MEI4: variants seen among roughly 807,000 people sequenced by gnomAD.
MEI4 encodes meiosis-specific protein MEI4.
Under a neutral mutation model 31.4 loss-of-function variants are expected in MEI4, and 27 were observed. The ratio of observed to expected loss-of-function variants is 0.86; its 90% CI spans 0.63 to 1.19. The LOEUF is 1.19. Among genes scored for constraint, MEI4 ranks in the 50% most tolerant of loss-of-function variants. MEI4 has a pLI of 0.00. For synonymous variants in MEI4, 122 were observed against 145.4 expected, an observed-to-expected ratio of 0.84 and a Z score of 1.16; for missense variants, 329 against 398.9, an observed-to-expected ratio of 0.82 and a Z score of 1.49.
At chr6:77,745,518 A>G (rs1767570935) in intron 2 of MEI4, among the ~76,000 whole-genome samples, 1 of 152,202 alleles carries the variant, frequency 6.6e-6, no homozygotes, top group Non-Finnish European at 1.5e-5. Context: ...CACATTAATA[A>G]TGGGAGACTT....
chr6:77,863,247 G>A (rs756341187), intron 4 of MEI4, among the ~76,000 whole-genome samples: 32 of 152,310 alleles, frequency 2.1e-4, no homozygotes, highest in Admixed American at 7.2e-4. Flanking sequence ...TGACTTTGAT[G>A]AGTTTAGAGA....
intron 2 of MEI4, among the ~76,000 whole-genome samples, chr6:77,743,283 C>G (rs1767471950): frequency 6.6e-6 from 1 of 152,018 alleles, no homozygotes; most frequent in African/African-American, 2.4e-5. Flanking sequence ...TGTTTGTATC[C>G]TCTTTTATTT....
At chr6:77,875,299 A>G (rs916244587) in intron 4 of MEI4, among the ~76,000 whole-genome samples, 1 of 152,208 alleles carries the variant, frequency 6.6e-6, no homozygotes. Context: ...ATTCCTACAA[A>G]GCACATACTA....
intron 3 of MEI4, among the ~76,000 whole-genome samples, chr6:77,773,842 T>G (rs1458174300): frequency 6.6e-6 from 1 of 151,990 alleles, no homozygotes; most frequent in African/African-American, 2.4e-5. Flanking sequence ...TAATCTGATT[T>G]TTAAATGGGC....
intron 4 of MEI4, among the ~76,000 whole-genome samples, chr6:77,866,514 T>C (rs542656766): frequency 6.6e-6 from 1 of 152,242 alleles, no homozygotes; most frequent in South Asian, 2.1e-4. Context: ...GAATCCAACT[T>C]ATAAGGGATG....
At chr6:77,827,132 G>A (rs940374580) in intron 3 of MEI4, among the ~76,000 whole-genome samples, 10 of 151,876 alleles carry the variant, frequency 6.6e-5, no homozygotes, top group Non-Finnish European at 1.0e-4. Context: ...AGGCCAAGGC[G>A]GGCAGATCAC....
At chr6:77,738,935 G>A (rs931257624) in intron 2 of MEI4, among the ~76,000 whole-genome samples, 1 of 152,086 alleles carries the variant, frequency 6.6e-6, no homozygotes, top group African/African-American at 2.4e-5. Context: ...TTTTGATGGG[G>A]TTGTTTTTTT....
At position 77,751,361 on chromosome 6, in the gene MEI4, A is replaced by G. The variant is rs188372113; in HGVS notation, c.233-9769A>G. Among the ~76,000 whole-genome samples the G allele has an allele frequency of 1.2e-4, 18 of 152,316 alleles. No individual in the cohort carries two copies. In the East Asian group the frequency reaches 3.5e-3, roughly 29 times the overall value. On this transcript the variant is annotated intron_variant, in intron 2 of 4. Transcript: ENST00000684080. Reference sequence around the variant, plus strand: ...TGGTTTGAAAAGATCAAGAAAACAAATAGACCACTAGCCAGACTAATAAAG... The same window carrying G: ...TGGTTTGAAAAGATCAAGAAAACAAGTAGACCACTAGCCAGACTAATAAAG...
In MEI4 at chr6:77,797,795, G is replaced by A. The variant is rs143575377; in HGVS notation, c.769-31136G>A. On this transcript the variant is annotated intron_variant, in intron 3 of 4. Coordinates refer to ENST00000684080, the MANE Select transcript of MEI4 (RefSeq NM_001322247.2). ...AGCTGACTGGATGGTGCCCACCCAC[G>A]TTGAGGGTGGGTCTTCATCTGCCAG... 9.5e-3 allele frequency among the ~76,000 whole-genome samples: 1,450 copies of A among 152,160 alleles called. 18 individuals carry two copies. Among genetic ancestry groups the A allele is most frequent in the African/African-American group, 0.032 (1,345 of 41,526 alleles).
At chr6:77,811,817 T>C (rs1189673154) in intron 3 of MEI4, among the ~76,000 whole-genome samples, 1 of 152,064 alleles carries the variant, frequency 6.6e-6, no homozygotes, top group East Asian at 1.9e-4. Flanking sequence ...TATTAAGAAG[T>C]TATATTTGGC....
intron 1 of MEI4, among the ~76,000 whole-genome samples, 44 bp downstream of exon 1, chr6:77,653,136 C>G (rs1174953162): frequency 6.6e-6 from 1 of 152,124 alleles, no homozygotes; most frequent in Non-Finnish European, 1.5e-5. Flanking sequence ...TGTATTTTGC[C>G]AGTAGGTTGA....
chr6:77,694,557 C>T (rs529050436), intron 2 of MEI4, among the ~76,000 whole-genome samples: 2 of 152,152 alleles, frequency 1.3e-5, no homozygotes, highest in East Asian at 3.9e-4. Flanking sequence ...ATGATGGTTT[C>T]CAATTTTATC....
intron 4 of MEI4, among the ~76,000 whole-genome samples, chr6:77,858,459 C>T (rs1393310787): frequency 6.6e-6 from 1 of 152,074 alleles, no homozygotes. Context: ...ATTTAACTTA[C>T]ATGGTACAAT....
intron 3 of MEI4, among the ~76,000 whole-genome samples, chr6:77,779,305 G>C (rs1174745199): frequency 6.6e-6 from 1 of 152,150 alleles, no homozygotes; most frequent in African/African-American, 2.4e-5. Flanking sequence ...GCTACTCAGA[G>C]GCTTAATAAG....
rs537694791 is a variant in MEI4 at position 77,701,641 on chromosome 6, A to G, written c.232+10738A>G. 2.2e-4 allele frequency among the ~76,000 whole-genome samples: 34 copies of G among 152,118 alleles called. No homozygotes were observed. The South Asian group carries it at 6.0e-3, about 27-fold the overall frequency. ...AATATAACAATATATTTATGAATAT[A>G]TTATGAATATATTCATAAATCATAG... On this transcript the variant is annotated intron_variant, in intron 2 of 4. Transcript: ENST00000684080.
chr6:77,829,315 G>C (rs909482511), intron 4 of MEI4, among the ~76,000 whole-genome samples: 7 of 152,172 alleles, frequency 4.6e-5, no homozygotes, highest in Non-Finnish European at 1.0e-4. Context: ...GACAGCAAAA[G>C]AGTGCTTAGA....
At chr6:77,693,706 A>T (rs1246647545) in intron 2 of MEI4, among the ~76,000 whole-genome samples, 2 of 152,132 alleles carry the variant, frequency 1.3e-5, no homozygotes, top group African/African-American at 2.4e-5. Flanking sequence ...GAAAAAATAT[A>T]CAAAAGGGGA....
intron 4 of MEI4, among the ~76,000 whole-genome samples, chr6:77,864,559 A>T (rs972761626): frequency 6.6e-6 from 1 of 152,228 alleles, no homozygotes; most frequent in Non-Finnish European, 1.5e-5. Context: ...CACCCAATAC[A>T]GGAGCACCCA....
chr6:77,741,447 A>C (rs1767397408), intron 2 of MEI4, among the ~76,000 whole-genome samples: 3 of 152,094 alleles, frequency 2.0e-5, no homozygotes, highest in Non-Finnish European at 4.4e-5. Flanking sequence ...GCTAGGTGAG[A>C]TAATTGTGGT....
Sources: gnomAD v4.1 joint callset for allele counts (sites outside exome capture counted in the v4.1 genomes callset) on GRCh38, gnomAD v4.1.1 for gene constraint, MANE v1.5 for transcripts, NCBI Gene and HGNC (gene_info 2026-07-23, HGNC 2026-07-21) for gene names.